Variants in REDIC1 observed in about 807,000 individuals in gnomAD.
REDIC1 encodes the protein regulator of DNA class I crossover intermediates 1, also known as HEI10 Interacting Protein 1.
At chr12:39,823,147 A>T in the REDIC1 span, among the ~76,000 whole-genome samples, 130 of 152,352 alleles carry the variant, frequency 8.5e-4, no homozygotes, top group Middle Eastern at 3.4e-3. Context: ...ATCTACCATA[A>T]TGACTTCTAT....
the REDIC1 span, among the ~76,000 whole-genome samples, chr12:39,707,940 A>T: frequency 6.6e-6 from 1 of 151,770 alleles, no homozygotes; most frequent in African/African-American, 2.4e-5. Context: ...TCACTTATTT[A>T]TGGAATCTAA....
chr12:39,893,821 T>C, the REDIC1 span, among the ~76,000 whole-genome samples: 3 of 152,224 alleles, frequency 2.0e-5, no homozygotes, highest in African/African-American at 7.2e-5. Context: ...CAAAATAATA[T>C]CCTCAGATTC....
At chr12:39,705,120 A>G in the REDIC1 span, among the ~76,000 whole-genome samples, 4 of 151,970 alleles carry the variant, frequency 2.6e-5, no homozygotes, top group Admixed American at 6.6e-5. Context: ...AAAATCAGAG[A>G]TGAAAAAGGA....
the REDIC1 span, among the ~76,000 whole-genome samples, chr12:39,810,685 G>A: frequency 2.6e-5 from 4 of 152,022 alleles, no homozygotes; most frequent in Non-Finnish European, 4.4e-5. Flanking sequence ...TATCATGAAT[G>A]GATTAGGAAT....
At chr12:39,766,449 T>C in the REDIC1 span, among the ~76,000 whole-genome samples, 2 of 152,198 alleles carry the variant, frequency 1.3e-5, no homozygotes, top group African/African-American at 4.8e-5. Context: ...TCACAAGTCA[T>C]CATCTTTTTG....
the REDIC1 span, among the ~76,000 whole-genome samples, chr12:39,773,876 T>A: frequency 6.6e-6 from 1 of 152,230 alleles, no homozygotes; most frequent in South Asian, 2.1e-4. Flanking sequence ...GAGAGCTTAC[T>A]ACAGTTCGTG....
chr12:39,698,068 T>A, the REDIC1 span, among the ~76,000 whole-genome samples: 1 of 152,116 alleles, frequency 6.6e-6, no homozygotes, highest in Non-Finnish European at 1.5e-5. Context: ...GAAAAAGATA[T>A]TCCAAGCCAA....
the REDIC1 span, among the ~76,000 whole-genome samples, chr12:39,703,023 C>G: frequency 3.9e-5 from 6 of 152,298 alleles, no homozygotes; most frequent in African/African-American, 4.8e-5. Flanking sequence ...AAACCTGGCA[C>G]AAGACAGGGA....
At chr12:39,701,392 C>G in the REDIC1 span, among the ~76,000 whole-genome samples, 8 of 152,256 alleles carry the variant, frequency 5.3e-5, no homozygotes, top group African/African-American at 1.9e-4. Context: ...GCTAACTATC[C>G]TAAATATATA....
chr12:39,858,254 T>C, the REDIC1 span, among the ~76,000 whole-genome samples: 1 of 152,234 alleles, frequency 6.6e-6, no homozygotes, highest in Non-Finnish European at 1.5e-5. Context: ...TGTGGACTTT[T>C]TGTTCCAACT....
the REDIC1 span, among the ~76,000 whole-genome samples, chr12:39,752,969 CT>C: frequency 1.3e-5 from 2 of 152,192 alleles, no homozygotes; most frequent in African/African-American, 4.8e-5. Flanking sequence ...CTCAGAGAAT[CT>C]GATTCAGCAG....
At chr12:39,646,831 T>C in the REDIC1 span, 1 of 1,569,752 alleles carries the variant, frequency 6.4e-7, no homozygotes, top group Non-Finnish European at 8.7e-7. Context: ...AAATTTTTCT[T>C]TTCATTAGTG....
chr12:39,778,146 C>G, the REDIC1 span, among the ~76,000 whole-genome samples: 1 of 152,146 alleles, frequency 6.6e-6, no homozygotes, highest in Non-Finnish European at 1.5e-5. Flanking sequence ...CATCACACAC[C>G]CTGCGAGGGG....
the REDIC1 span, among the ~76,000 whole-genome samples, chr12:39,649,853 G>A: frequency 6.6e-6 from 1 of 151,808 alleles, no homozygotes; most frequent in Non-Finnish European, 1.5e-5. Context: ...CTCAGTAAAT[G>A]GAACAACTGA....
At chr12:39,885,809 T>C in the REDIC1 span, among the ~76,000 whole-genome samples, 1 of 152,162 alleles carries the variant, frequency 6.6e-6, no homozygotes, top group South Asian at 2.1e-4. Context: ...CAATGCAAAA[T>C]TCCCAGTTGT....
the REDIC1 span, among the ~76,000 whole-genome samples, chr12:39,740,845 G>A: frequency 6.6e-6 from 1 of 152,024 alleles, no homozygotes; most frequent in East Asian, 1.9e-4. Flanking sequence ...GATTATTTTT[G>A]TAATAAAAGT....
the REDIC1 span, among the ~76,000 whole-genome samples, chr12:39,856,438 G>C: frequency 6.6e-6 from 1 of 152,090 alleles, no homozygotes; most frequent in Admixed American, 6.5e-5. Flanking sequence ...GCGTGATCTC[G>C]GCTCACTGTA....
chr12:39,714,084 C>CGTATGTATACTTGTATATGT, the REDIC1 span, among the ~76,000 whole-genome samples: 4 of 56,612 alleles, frequency 7.1e-5, no homozygotes, highest in African/African-American at 2.6e-4. Flanking sequence ...TGTATATACA[C>CGTATGTATACTTGTATATGT]ATATATGTAC....
At chr12:39,674,738 C>G in the REDIC1 span, among the ~76,000 whole-genome samples, 1 of 152,144 alleles carries the variant, frequency 6.6e-6, no homozygotes, top group Non-Finnish European at 1.5e-5. Context: ...TGTAGACACT[C>G]CTGGTCCCCA....
Sources: gnomAD v4.1 joint callset for allele counts (sites outside exome capture counted in the v4.1 genomes callset) on GRCh38, gnomAD v4.1.1 for gene constraint, MANE v1.5 for transcripts, NCBI Gene and HGNC (gene_info 2026-07-23, HGNC 2026-07-21) for gene names.